Variants in DNASE1 observed in about 807,000 individuals in gnomAD.
The protein encoded by DNASE1 is deoxyribonuclease-1.
DNASE1 carries 40 observed loss-of-function variants against 33.9 expected under a neutral mutation model. The ratio of observed to expected loss-of-function variants is 1.18; its 90% CI spans 0.92 to 1.54. DNASE1 has a LOEUF of 1.54. Ranked by LOEUF, DNASE1 falls within the 40% of genes most tolerant of loss-of-function variation. The pLI is 0.00. For synonymous variants in DNASE1, 216 were observed against 160.0 expected (o/e 1.35, Z -2.64); for missense variants, 518 against 372.6 (o/e 1.39, Z -3.21).
intron 1 of DNASE1, among the ~76,000 whole-genome samples, chr16:3,630,022 T>C (rs889512492): frequency 5.3e-5 from 8 of 152,068 alleles, no homozygotes; most frequent in African/African-American, 1.9e-4. Context: ...TTTTACCATG[T>C]TGGCCAGACT....
At chr16:3,620,575 G>A (rs1036659025) in intron 1 of DNASE1, among the ~76,000 whole-genome samples, 2 of 151,434 alleles carry the variant, frequency 1.3e-5, no homozygotes, top group African/African-American at 4.9e-5. Context: ...ATTTCTCTAA[G>A]TCAGTAGATA....
At chr16:3,655,651 G>C in intron 2 of DNASE1, 131 bp downstream of exon 2, 1 of 1,481,938 alleles carries the variant, frequency 6.7e-7, no homozygotes, top group Non-Finnish European at 9.3e-7. Flanking sequence ...CAGCACGGTG[G>C]AACAGGCTCT....
intron 1 of DNASE1, among the ~76,000 whole-genome samples, chr16:3,648,168 CAAAAG>C (rs1432871614): frequency 6.6e-6 from 1 of 152,132 alleles, no homozygotes; most frequent in Non-Finnish European, 1.5e-5. Context: ...GAACCTGTCT[CAAAAG>C]AAAACAAAAC....
exon 10 of DNASE1, chr16:3,663,598 G>C: frequency 6.2e-7 from 1 of 1,611,178 alleles, no homozygotes; most frequent in Non-Finnish European, 8.5e-7. Context: ...TCAGACCCCG[G>C]GGGCCTCCAG....
At chr16:3,625,193 C>G (rs2041468187) in intron 1 of DNASE1, among the ~76,000 whole-genome samples, 2 of 152,140 alleles carry the variant, frequency 1.3e-5, no homozygotes, top group South Asian at 4.1e-4. Flanking sequence ...GTAATCCCAG[C>G]TACTTGGGAG....
At chr16:3,628,593 T>C (rs2041594736) in intron 1 of DNASE1, among the ~76,000 whole-genome samples, 1 of 151,700 alleles carries the variant, frequency 6.6e-6, no homozygotes, top group Admixed American at 6.6e-5. Flanking sequence ...AATCTCGCTG[T>C]GTCGCCCAGG....
At chr16:3,648,834 TCC>T in intron 1 of DNASE1, among the ~76,000 whole-genome samples, 1 of 152,326 alleles carries the variant, frequency 6.6e-6, no homozygotes, top group Non-Finnish European at 1.5e-5. Context: ...GGATCTAAGG[TCC>T]ATACATTTTG....
At chr16:3,624,601 C>T (rs1315887157) in intron 1 of DNASE1, among the ~76,000 whole-genome samples, 3 of 152,226 alleles carry the variant, frequency 2.0e-5, no homozygotes, top group African/African-American at 7.2e-5. Flanking sequence ...AGCATCCGAA[C>T]ATCTAGACAG....
intron 1 of DNASE1, among the ~76,000 whole-genome samples, chr16:3,620,815 T>C (rs1236415705): frequency 6.6e-6 from 1 of 151,916 alleles, no homozygotes; most frequent in African/African-American, 2.4e-5. Context: ...TTATTATTTA[T>C]TTTGAGACAG....
At chr16:3,624,150 G>A (rs1055107010) in intron 1 of DNASE1, among the ~76,000 whole-genome samples, 4 of 151,672 alleles carry the variant, frequency 2.6e-5, no homozygotes, top group East Asian at 1.9e-4. Context: ...GGTAGTGCAC[G>A]CCTGTAATCC....
At chr16:3,656,219 TC>T in intron 4 of DNASE1, 34 bp downstream of exon 4, 2 of 1,590,326 alleles carry the variant, frequency 1.3e-6, no homozygotes, top group Non-Finnish European at 1.7e-6. Flanking sequence ...AGCCCCTCCC[TC>T]ACCTGGGAGG....
intron 3 of DNASE1, 23 bp downstream of exon 3, chr16:3,655,960 T>C (rs892950607): frequency 2.5e-6 from 4 of 1,613,240 alleles, no homozygotes; most frequent in African/African-American, 1.3e-5. Context: ...GGCAGGGTCA[T>C]AGGAAGGTGA....
At chr16:3,663,157 T>C in exon 10 of DNASE1, 1 of 655,860 alleles carries the variant, frequency 1.5e-6, no homozygotes, top group South Asian at 2.0e-5. Flanking sequence ...CCATACAACT[T>C]GGTTAGGGCT....
At chr16:3,635,790 T>C (rs1401812389) in intron 1 of DNASE1, among the ~76,000 whole-genome samples, 1 of 152,190 alleles carries the variant, frequency 6.6e-6, no homozygotes, top group Non-Finnish European at 1.5e-5. Flanking sequence ...TGTGATGTAA[T>C]TCTTATCCTT....
upstream of DNASE1, chr16:3,652,885 T>G (rs558981845): frequency 3.3e-5 from 5 of 152,400 alleles, no homozygotes; most frequent in Admixed American, 6.5e-5. Flanking sequence ...GAATCCCGCC[T>G]GGACTTCTGC....
chr16:3,636,116 A>G (rs2041860818), intron 1 of DNASE1, among the ~76,000 whole-genome samples: 1 of 150,616 alleles, frequency 6.6e-6, no homozygotes, highest in Non-Finnish European at 1.5e-5. Context: ...ATTCTGTTCC[A>G]TCTTGTTCAT....
chr16:3,626,987 T>C (rs1443210114), intron 1 of DNASE1, among the ~76,000 whole-genome samples: 1 of 151,934 alleles, frequency 6.6e-6, no homozygotes, highest in Admixed American at 6.6e-5. Context: ...TTCTCCTGCC[T>C]CCGTCTTCTG....
chr16:3,638,411 C>T (rs1280958055), upstream of DNASE1, among the ~76,000 whole-genome samples: 2 of 152,160 alleles, frequency 1.3e-5, no homozygotes, highest in African/African-American at 4.8e-5. Flanking sequence ...AATCTTGGCT[C>T]ACTGCAAGCT....
In DNASE1 at chr16:3,621,546, T is replaced by C. The variant is rs186021720; in HGVS notation, c.-1359+9540T>C. ...AGATAATTCTGTGCACATACAAATA[T>C]AAATATATATCCCTGCTTTTCCCCA... On this transcript the variant is annotated intron_variant and NMD_transcript_variant, in intron 1 of 11. Coordinates refer to the DNASE1 transcript ENST00000570769. 1.3e-3 allele frequency among the ~76,000 whole-genome samples: 196 copies of C among 151,512 alleles called. 1 individual carries two copies. The highest frequency in any genetic ancestry group is 2.5e-3 in the Admixed American group (38 of 15,232).
Sources: gnomAD v4.1 joint callset for allele counts (sites outside exome capture counted in the v4.1 genomes callset) on GRCh38, gnomAD v4.1.1 for gene constraint, MANE v1.5 for transcripts, NCBI Gene and HGNC (gene_info 2026-07-23, HGNC 2026-07-21) for gene names.